PLPPR5: variants seen among roughly 807,000 people sequenced by gnomAD.
PLPPR5 encodes the protein phospholipid phosphatase-related protein type 5.
In PLPPR5, 16 loss-of-function variants were observed where a neutral mutation model predicts 33.9. The ratio of observed to expected loss-of-function variants is 0.47; its 90% CI spans 0.32 to 0.72. PLPPR5 has a LOEUF of 0.72. Ranked by LOEUF, PLPPR5 falls within the 30% of genes least tolerant of loss-of-function variation. The pLI is 0.03. For missense variants in PLPPR5, 301 were observed against 406.7 expected (o/e 0.74, Z 2.23); for synonymous variants, 163 against 150.3 (o/e 1.08, Z -0.62).
rs1650199575 is a variant in PLPPR5, at chr1:98,937,176, G to A, written c.622-15118C>T. On this transcript the variant is annotated intron_variant, in intron 3 of 5. Coordinates refer to ENST00000263177, the MANE Select transcript of PLPPR5 (RefSeq NM_001037317.2). ...GTGCAGGCAGTGAGGGGATGCAACA[G>A]TAAAACCTACTAAATGTCTATCTGC... 2.6e-5 allele frequency among the ~76,000 whole-genome samples: 4 copies of A among 152,092 alleles called. No homozygotes were observed. The South Asian group carries it at 8.3e-4, about 32-fold the overall frequency.
intron 1 of PLPPR5, among the ~76,000 whole-genome samples, chr1:98,996,710 G>A (rs1166872001): frequency 6.6e-6 from 1 of 152,028 alleles, no homozygotes; most frequent in Non-Finnish European, 1.5e-5. Context: ...GGAAAATTTA[G>A]TTCTACTGGC....
intron 3 of PLPPR5, among the ~76,000 whole-genome samples, chr1:98,928,407 A>C (rs1415053984): frequency 1.3e-5 from 2 of 151,622 alleles, no homozygotes; most frequent in Non-Finnish European, 2.9e-5. Flanking sequence ...ATTTTGAAAA[A>C]GAAAAATGCA....
At chr1:98,949,036 G>A (rs1319855293) in intron 3 of PLPPR5, among the ~76,000 whole-genome samples, 1 of 152,090 alleles carries the variant, frequency 6.6e-6, no homozygotes, top group Non-Finnish European at 1.5e-5. Context: ...TTTATATGAG[G>A]TTAACTGGAA....
chr1:98,959,287 G>A (rs1049818473), intron 1 of PLPPR5, among the ~76,000 whole-genome samples: 2 of 152,144 alleles, frequency 1.3e-5, no homozygotes, highest in Non-Finnish European at 2.9e-5. Flanking sequence ...CTTCCCAGTG[G>A]CTTTCTAATG....
intron 5 of PLPPR5, among the ~76,000 whole-genome samples, chr1:98,910,625 T>C (rs1649083512): frequency 6.6e-6 from 1 of 152,160 alleles, no homozygotes; most frequent in Admixed American, 6.5e-5. Context: ...TGCCCAATTA[T>C]TTCAGTTCAG....
intron 1 of PLPPR5, among the ~76,000 whole-genome samples, chr1:99,002,433 G>A (rs1178691923): frequency 1.3e-5 from 2 of 152,060 alleles, no homozygotes; most frequent in Non-Finnish European, 2.9e-5. Flanking sequence ...TCAGGCATCC[G>A]TCCTATAGGC....
intron 1 of PLPPR5, among the ~76,000 whole-genome samples, chr1:98,959,348 C>T (rs1346555049): frequency 6.6e-6 from 1 of 152,194 alleles, no homozygotes; most frequent in African/African-American, 2.4e-5. Context: ...GCGGAATTTC[C>T]GATTTGTGTC....
At chr1:98,984,941 T>C (rs1652199527) in intron 1 of PLPPR5, among the ~76,000 whole-genome samples, 1 of 152,000 alleles carries the variant, frequency 6.6e-6, no homozygotes. Context: ...GTCTCCAAAA[T>C]ATATCTTTCT....
rs150406511 is a variant in PLPPR5, at chr1:98,925,838, T to A, written c.622-3780A>T. 8.3e-3 allele frequency among the ~76,000 whole-genome samples: 1,257 copies of A among 152,250 alleles called. 19 individuals carry two copies. Among genetic ancestry groups the A allele is most frequent in the African/African-American group, 0.028 (1,181 of 41,540 alleles). On this transcript the variant is annotated intron_variant, in intron 3 of 5. Coordinates refer to ENST00000263177, the MANE Select transcript of PLPPR5 (RefSeq NM_001037317.2). ...AAAGGGAAATGGTGGGGGAAAGGTGTCCTAGACAACATACACAATCCTTCT... is the reference window on the plus strand; with the variant it reads ...AAAGGGAAATGGTGGGGGAAAGGTGACCTAGACAACATACACAATCCTTCT...
chr1:98,922,144 T>C, intron 3 of PLPPR5, 86 bp from the exon 4 acceptor site: 1 of 1,243,070 alleles, frequency 8.0e-7, no homozygotes, highest in Non-Finnish European at 1.1e-6. Flanking sequence ...CAAACATATA[T>C]TTATAGACAT....
intron 3 of PLPPR5, among the ~76,000 whole-genome samples, chr1:98,931,752 G>C (rs1306179193): frequency 6.6e-5 from 10 of 152,016 alleles, no homozygotes; most frequent in Admixed American, 6.6e-4. Flanking sequence ...GGTTAACGGG[G>C]GCCAGGTTCA....
At chr1:98,941,886 C>T (rs1197744132) in intron 3 of PLPPR5, among the ~76,000 whole-genome samples, 3 of 151,518 alleles carry the variant, frequency 2.0e-5, no homozygotes, top group African/African-American at 7.3e-5. Flanking sequence ...GGTAACCTTT[C>T]TTGTAATACA....
At position 98,953,129 on chromosome 1, in the gene PLPPR5, G is replaced by A; in HGVS notation, c.562C>T (p.Arg188Ter). The change falls in exon 3 of 6, where the codon CGA becomes TGA. Residue 188 changes from arginine (R) to a stop codon, truncating the protein, a stop_gained. Transcript: ENST00000263177. LOFTEE classifies it high-confidence loss of function. ...GCTTCTTTGGATGGAAAGGTTTTTC[G>A]GGCTCTCATGATGAGATCTGGGTTG... ...TGNPDLIMRA[R>*]KTFPSKEAAL... is the part of the protein sequence containing the mutation. The A allele has an allele frequency of 1.2e-6, 2 of 1,613,954 alleles. No homozygotes were observed. Among genetic ancestry groups the A allele is most frequent in the Non-Finnish European group, 1.7e-6 (2 of 1,179,990 alleles).
chr1:98,953,194 T>C lies in PLPPR5; in HGVS notation c.497A>G (p.Gln166Arg), dbSNP rs1361667088. The change falls in exon 3 of 6, where the codon CAG becomes CGG. Residue 166 changes from glutamine (Q) to arginine (R), a missense_variant. Transcript: ENST00000263177. ...TTCCCCACTGATGAATTGTGTATACTGCTGACATCCAAGTGCTGTATAATT... is the reference window on the plus strand; with the variant it reads ...TTCCCCACTGATGAATTGTGTATACCGCTGACATCCAAGTGCTGTATAATT... ...KPNYTALGCQQYTQFISGEEA... is the reference protein window; with the variant it reads ...KPNYTALGCQRYTQFISGEEA... 6.2e-7 allele frequency: 1 copy of C among 1,614,032 alleles called. No homozygotes were observed. The highest frequency in any genetic ancestry group is 1.3e-5 in the African/African-American group (1 of 74,918).
chr1:98,996,374 G>C (rs972089961), intron 1 of PLPPR5, among the ~76,000 whole-genome samples: 1 of 151,808 alleles, frequency 6.6e-6, no homozygotes, highest in African/African-American at 2.4e-5. Flanking sequence ...AATGTACCTG[G>C]CCTGGAGAAT....
chr1:98,977,675 A>G (rs906513792), intron 1 of PLPPR5, among the ~76,000 whole-genome samples: 1 of 151,400 alleles, frequency 6.6e-6, no homozygotes, highest in Non-Finnish European at 1.5e-5. Flanking sequence ...ACATTTGAAC[A>G]TACCTTCTTC....
At chr1:98,994,191 G>C (rs998502404) in intron 1 of PLPPR5, among the ~76,000 whole-genome samples, 1 of 151,726 alleles carries the variant, frequency 6.6e-6, no homozygotes, top group Non-Finnish European at 1.5e-5. Context: ...GATGAGAGAG[G>C]GAGGGAGAAA....
intron 3 of PLPPR5, 104 bp from the exon 4 acceptor site, chr1:98,922,162 C>G: frequency 9.9e-7 from 1 of 1,013,170 alleles, no homozygotes; most frequent in Non-Finnish European, 1.4e-6. Context: ...CATATATACG[C>G]CTGTATGATT....
intron 1 of PLPPR5, among the ~76,000 whole-genome samples, chr1:98,994,409 T>C (rs187381850): frequency 2.0e-5 from 3 of 152,072 alleles, no homozygotes; most frequent in African/African-American, 7.2e-5. Context: ...TAATGAAAAC[T>C]TGAAAAATTC....
Sources: gnomAD v4.1 joint callset for allele counts (sites outside exome capture counted in the v4.1 genomes callset) on GRCh38, gnomAD v4.1.1 for gene constraint, MANE v1.5 for transcripts, NCBI Gene and HGNC (gene_info 2026-07-23, HGNC 2026-07-21) for gene names.